Variants in PDE10A observed in about 807,000 individuals in gnomAD.
The protein encoded by PDE10A is cAMP and cAMP-inhibited cGMP 3',5'-cyclic phosphodiesterase 10A.
In PDE10A, 39 loss-of-function variants were observed where a neutral mutation model predicts 97.7. The ratio of observed to expected loss-of-function variants is 0.40; its 90% CI spans 0.31 to 0.52. PDE10A has a LOEUF of 0.52. Ranked by LOEUF, PDE10A falls within the 20% of genes least tolerant of loss-of-function variation. The pLI is 0.56. For missense variants in PDE10A, 731 were observed against 1,047.8 expected (o/e 0.70, Z 4.17); for synonymous variants, 371 against 376.8 (o/e 0.98, Z 0.18).
chr6:165,771,472 T>C (rs951046575), intron 1 of PDE10A, among the ~76,000 whole-genome samples: 2 of 152,016 alleles, frequency 1.3e-5, no homozygotes, highest in African/African-American at 4.8e-5. Flanking sequence ...AGGTTCTGAT[T>C]TGGAGGCAAG....
intron 1 of PDE10A, among the ~76,000 whole-genome samples, chr6:165,823,317 A>T (rs1317306938): frequency 6.7e-6 from 1 of 150,104 alleles, no homozygotes; most frequent in Admixed American, 6.6e-5. Flanking sequence ...ACACACACAC[A>T]GCCTAGGCCT....
At chr6:165,627,156 A>T (rs1253431530) in intron 1 of PDE10A, among the ~76,000 whole-genome samples, 1 of 152,238 alleles carries the variant, frequency 6.6e-6, no homozygotes, top group African/African-American at 2.4e-5. Flanking sequence ...TTAAAATTCA[A>T]GTTATAGGGA....
chr6:165,852,386 A>T (rs1441589727), intron 1 of PDE10A, among the ~76,000 whole-genome samples: 1 of 152,240 alleles, frequency 6.6e-6, no homozygotes, highest in Non-Finnish European at 1.5e-5. Flanking sequence ...AAATCATCTC[A>T]GGCCTGATGG....
At chr6:165,808,604 G>A (rs561958372) in intron 1 of PDE10A, among the ~76,000 whole-genome samples, 4 of 152,308 alleles carry the variant, frequency 2.6e-5, no homozygotes, top group East Asian at 1.9e-4. Flanking sequence ...TATGCTCTGT[G>A]GCGGGAGAGG....
chr6:165,381,985 A>G (rs572430849), intron 17 of PDE10A, among the ~76,000 whole-genome samples: 2 of 152,246 alleles, frequency 1.3e-5, no homozygotes, highest in Admixed American at 1.3e-4. Flanking sequence ...CTATAGTTAC[A>G]TAGTTTGAAG....
intron 18 of PDE10A, among the ~76,000 whole-genome samples, chr6:165,350,797 C>G (rs140788277): frequency 6.6e-6 from 1 of 152,280 alleles, no homozygotes; most frequent in East Asian, 1.9e-4. Flanking sequence ...TTGTAAGGGG[C>G]TTCCCTCTTC....
intron 2 of PDE10A, among the ~76,000 whole-genome samples, chr6:165,529,370 A>G (rs897062511): frequency 3.3e-5 from 5 of 152,216 alleles, no homozygotes; most frequent in African/African-American, 1.2e-4. Flanking sequence ...ATTAAAGTCA[A>G]TGAGAAACTA....
At chr6:165,872,465 C>G (rs1045954089) in intron 1 of PDE10A, among the ~76,000 whole-genome samples, 2 of 152,134 alleles carry the variant, frequency 1.3e-5, no homozygotes, top group Non-Finnish European at 2.9e-5. Flanking sequence ...TATCCTCTTC[C>G]TTCTAGACAG....
At chr6:165,422,468 C>CACACACGCATAT (rs1788790579) in intron 10 of PDE10A, among the ~76,000 whole-genome samples, 1 of 148,260 alleles carries the variant, frequency 6.7e-6, no homozygotes, top group African/African-American at 2.5e-5. Context: ...CACAGGCATA[C>CACACACGCATAT]ACACATACGC....
chr6:165,376,509 T>C (rs1240950483), intron 18 of PDE10A, among the ~76,000 whole-genome samples: 2 of 152,210 alleles, frequency 1.3e-5, no homozygotes, highest in Middle Eastern at 3.2e-3. Context: ...TTGAAGGAAG[T>C]TCTACTGCAG....
chr6:165,583,975 T>G (rs543609778), intron 1 of PDE10A, among the ~76,000 whole-genome samples: 1 of 152,170 alleles, frequency 6.6e-6, no homozygotes, highest in African/African-American at 2.4e-5. Context: ...GAACTGGAAG[T>G]TGAGACTGCC....
At chr6:165,625,138 T>C (rs957623891) in intron 1 of PDE10A, among the ~76,000 whole-genome samples, 14 of 151,992 alleles carry the variant, frequency 9.2e-5, no homozygotes, top group African/African-American at 2.9e-4. Context: ...TTCAGGGCAA[T>C]GGGGAGGACT....
chr6:165,660,842 G>C (rs1446845520), intron 1 of PDE10A: 2 of 152,164 alleles, frequency 1.3e-5, no homozygotes, highest in African/African-American at 4.8e-5. Context: ...TCTGGGCCGC[G>C]GGAAGCCGCA....
chr6:165,486,838 C>G (rs1316904107), intron 2 of PDE10A, among the ~76,000 whole-genome samples: 1 of 152,192 alleles, frequency 6.6e-6, no homozygotes, highest in Non-Finnish European at 1.5e-5. Flanking sequence ...GGGAGAATGA[C>G]AGCTGTGTTC....
In PDE10A at chr6:165,662,926, G is replaced by T. The variant is rs969596579; in HGVS notation, c.-115C>A. ...CCCACCCCTGCCGGCCGCCCGAACC[G>T]CTGCCTGGTCCTCCTCTCCGGTCTT... On this transcript the variant is annotated 5_prime_UTR_variant, in exon 1 of 22. Transcript: ENST00000539869. Among the ~76,000 whole-genome samples the T allele has an allele frequency of 1.3e-5, 2 of 151,278 alleles. No individual in the cohort carries two copies. The highest frequency in any genetic ancestry group is 3.0e-5 in the Non-Finnish European group (2 of 67,732).
At chr6:165,729,442 T>C (rs1049559516) in intron 1 of PDE10A, among the ~76,000 whole-genome samples, 1 of 150,368 alleles carries the variant, frequency 6.7e-6, no homozygotes, top group African/African-American at 2.5e-5. Context: ...AAAAGGATTA[T>C]ATTGGGAGAT....
At chr6:165,420,338 T>G (rs1788607259) in intron 10 of PDE10A, among the ~76,000 whole-genome samples, 1 of 152,070 alleles carries the variant, frequency 6.6e-6, no homozygotes, top group Non-Finnish European at 1.5e-5. Flanking sequence ...ATCTGGCCCT[T>G]TACAAAAAAA....
intron 1 of PDE10A, among the ~76,000 whole-genome samples, chr6:165,690,466 C>T (rs1276794241): frequency 6.6e-6 from 1 of 152,190 alleles, no homozygotes; most frequent in East Asian, 1.9e-4. Context: ...TCCTCCAGTT[C>T]CTTTTCCTTT....
intron 21 of PDE10A, among the ~76,000 whole-genome samples, chr6:165,335,549 C>T (rs955469368): frequency 2.0e-5 from 3 of 152,128 alleles, no homozygotes; most frequent in Non-Finnish European, 4.4e-5. Context: ...AGGGGCCCCT[C>T]TTGCAGGACT....
Sources: allele counts gnomAD v4.1 joint callset (sites outside exome capture counted in the v4.1 genomes callset), GRCh38; gene constraint gnomAD v4.1.1; transcripts MANE v1.5; gene names NCBI Gene and HGNC (gene_info 2026-07-23, HGNC 2026-07-21).